Variants in ITIH5 observed in about 807,000 individuals in gnomAD.
ITIH5 encodes the protein inter-alpha-trypsin inhibitor heavy chain 5.
Under a neutral mutation model 77.5 loss-of-function variants are expected in ITIH5, and 65 were observed. That is an observed-to-expected ratio of 0.84 (90% confidence interval 0.69 to 1.03). ITIH5 has a LOEUF of 1.03. Ranked by LOEUF, ITIH5 falls within the 50% of genes least tolerant of loss-of-function variation. The probability of loss-of-function intolerance (pLI) is 0.00; values close to 1 mark genes in which losing one functional copy is unlikely to be tolerated. For missense variants in ITIH5, 1,208 were observed against 1,213.1 expected (o/e 1.00, Z 0.06); for synonymous variants, 525 against 494.3 (o/e 1.06, Z -0.82).
At chr10:7,609,308 G>T (rs1399276586) in intron 7 of ITIH5, 1 of 386,208 alleles carries the variant, frequency 2.6e-6, no homozygotes, top group African/African-American at 2.1e-5. Flanking sequence ...TTGTGGGCTG[G>T]TAGTTTGGCA....
At chr10:7,633,066 C>T (rs535181796) in intron 5 of ITIH5, among the ~76,000 whole-genome samples, 1 of 152,182 alleles carries the variant, frequency 6.6e-6, no homozygotes, top group Non-Finnish European at 1.5e-5. Context: ...CTTCAGAAAT[C>T]ACACATCCCA....
Position 7,576,450 on chromosome 10 carries a change from T to C in ITIH5, c.1978+3A>G, listed in dbSNP as rs1832415797. 3 of 1,575,350 alleles carry C rather than the reference T, an allele frequency of 1.9e-6. No individual in the cohort carries two copies. The highest frequency in any genetic ancestry group is 2.3e-5 in the East Asian group (1 of 44,106). Reference sequence around the variant, plus strand: ...ACACCTGGCTGGCACAGGTGCCTCGTACCTGGCTGCGTGCCAGCTCCTCGC... The same window carrying C: ...ACACCTGGCTGGCACAGGTGCCTCGCACCTGGCTGCGTGCCAGCTCCTCGC... On this transcript the variant is annotated splice_donor_region_variant and intron_variant, in intron 10 of 13. Coordinates refer to ENST00000397146, the MANE Select transcript of ITIH5 (RefSeq NM_030569.7).
At chr10:7,600,452 C>A in intron 7 of ITIH5, 1 of 447,960 alleles carries the variant, frequency 2.2e-6, no homozygotes, top group Non-Finnish European at 4.5e-6. Flanking sequence ...CTTCAGCCCA[C>A]TGCTGCCATC....
chr10:7,572,075 A>G, intron 11 of ITIH5: 2 of 1,033,110 alleles, frequency 1.9e-6, no homozygotes, highest in Non-Finnish European at 2.3e-6. Context: ...TACTCCAGGC[A>G]GCATCCAAGA....
At chr10:7,596,578 C>A (rs974556892) in intron 7 of ITIH5, among the ~76,000 whole-genome samples, 2 of 152,176 alleles carry the variant, frequency 1.3e-5, no homozygotes, top group Non-Finnish European at 2.9e-5. Flanking sequence ...GGGAACTCAG[C>A]ATTAGCCATT....
intron 12 of ITIH5, chr10:7,569,257 G>A (rs1832249368): frequency 6.5e-6 from 1 of 153,396 alleles, no homozygotes. Context: ...GACCTCCGGT[G>A]ATCCACCTGC....
Position 7,559,302 on chromosome 10 carries a change from A to C in ITIH5, c.*3781T>G, listed in dbSNP as rs1831996472. 6.6e-6 allele frequency: 1 copy of C among 152,356 alleles called. No individual in the cohort carries two copies. Among genetic ancestry groups the C allele is most frequent in the Non-Finnish European group, 1.5e-5 (1 of 68,142 alleles). 9.4% of individuals were successfully genotyped at this position (152,356 alleles called of 1,614,324 possible). On this transcript the variant is annotated 3_prime_UTR_variant, in exon 14 of 14. Transcript: ENST00000397146. The stretch of plus-strand genomic sequence containing the variant: ...AGATTCTTCAAGTTTTATTCTCAAC[A>C]GCTCCAATTCCATTTTCCCTTAGAA...
chr10:7,572,166 C>T (rs564666238), intron 11 of ITIH5: 1 of 1,174,010 alleles, frequency 8.5e-7, no homozygotes, highest in African/African-American at 1.6e-5. Flanking sequence ...GCTGTGCGGA[C>T]TCTATATCCA....
At position 7,566,340 on chromosome 10, in the gene ITIH5, A is replaced by G; in HGVS notation, c.2217T>C (p.Thr739=). The G allele has an allele frequency of 6.2e-7, 1 of 1,610,736 alleles. No individual in the cohort carries two copies. ...TGAGGATGGTGATAGTGCGCAAGTA[A>G]GTGCGCTGTTTCTTGTGGCCATTTG... is the stretch of plus-strand genomic sequence containing the variant. The part of the protein sequence containing the change: ...APPNGHKKQR[T]YLRTITILIN... Residue 739 remains threonine (T), a synonymous_variant, in exon 13 of 14, where the codon ACT becomes ACC. Coordinates refer to ENST00000397146, the MANE Select transcript of ITIH5 (RefSeq NM_030569.7).
intron 7 of ITIH5, among the ~76,000 whole-genome samples, chr10:7,606,663 G>A (rs771051746): frequency 4.6e-5 from 7 of 152,076 alleles, no homozygotes; most frequent in Non-Finnish European, 7.4e-5. Flanking sequence ...GAAATAATCT[G>A]TACACCAAAC....
At chr10:7,589,103 GT>G (rs1238427048) in intron 7 of ITIH5, among the ~76,000 whole-genome samples, 1 of 152,200 alleles carries the variant, frequency 6.6e-6, no homozygotes, top group Non-Finnish European at 1.5e-5. Flanking sequence ...TTACTTCTTT[GT>G]TTCTTTTGCT....
chr10:7,659,532 A>T (rs2047344001), intron 1 of ITIH5, among the ~76,000 whole-genome samples: 1 of 152,116 alleles, frequency 6.6e-6, no homozygotes, highest in Non-Finnish European at 1.5e-5. Flanking sequence ...CCCTCCCTAA[A>T]TTGTGGAGCA....
At chr10:7,644,613 C>G (rs560636114) in intron 2 of ITIH5, among the ~76,000 whole-genome samples, 1 of 82,264 alleles carries the variant, frequency 1.2e-5, no homozygotes, top group Non-Finnish European at 2.6e-5. Context: ...TCACATATAT[C>G]ACATATATAT....
intron 1 of ITIH5, among the ~76,000 whole-genome samples, chr10:7,660,724 A>T (rs1168992443): frequency 6.6e-6 from 1 of 152,198 alleles, no homozygotes; most frequent in Non-Finnish European, 1.5e-5. Flanking sequence ...GAGTCCATCC[A>T]TGGGAAAGAA....
In ITIH5 at chr10:7,582,149, C is replaced by G. The variant is rs191971777; in HGVS notation, c.1109-2085G>C. Among the ~76,000 whole-genome samples, 42 of 152,278 alleles carry G rather than the reference C, an allele frequency of 2.8e-4. No homozygotes were observed. In the East Asian group the frequency reaches 7.9e-3, roughly 29 times the overall value. Reference sequence around the variant, plus strand: ...CTCGGCCTCCAAAGTGCTGGGATTACTGGCAGGGGCCACAGCACCTGGCCC... The same window carrying G: ...CTCGGCCTCCAAAGTGCTGGGATTAGTGGCAGGGGCCACAGCACCTGGCCC... On this transcript the variant is annotated intron_variant, in intron 8 of 13. Coordinates refer to ENST00000397146, the MANE Select transcript of ITIH5 (RefSeq NM_030569.7).
chr10:7,572,369 A>G (rs1832318703), intron 11 of ITIH5: 1 of 1,367,242 alleles, frequency 7.3e-7, no homozygotes, highest in Admixed American at 1.9e-5. Context: ...ACATTTGAAA[A>G]AATCTGTTCT....
chr10:7,575,755 T>G (rs533598147), intron 10 of ITIH5, among the ~76,000 whole-genome samples: 13 of 152,224 alleles, frequency 8.5e-5, no homozygotes, highest in Admixed American at 3.3e-4. Context: ...TAAATTATAC[T>G]ACATAACTCT....
At chr10:7,586,140 CG>C in intron 7 of ITIH5, 71 bp from the exon 8 acceptor site, 9 of 1,316,430 alleles carry the variant, frequency 6.8e-6, no homozygotes, top group South Asian at 3.1e-5. Context: ...TTCTAGAAAC[CG>C]CCCCCGCCCC....
At chr10:7,576,047 C>T (rs780969575) in intron 10 of ITIH5, among the ~76,000 whole-genome samples, 21 of 152,042 alleles carry the variant, frequency 1.4e-4, no homozygotes, top group Admixed American at 1.2e-3. Flanking sequence ...TTTTTAGAGA[C>T]GGGGTCTTGC....
Sources: gnomAD v4.1 joint callset for allele counts (sites outside exome capture counted in the v4.1 genomes callset) on GRCh38, gnomAD v4.1.1 for gene constraint, MANE v1.5 for transcripts, NCBI Gene and HGNC (gene_info 2026-07-23, HGNC 2026-07-21) for gene names.